Variants in SZRD1 observed in about 807,000 individuals in gnomAD.
SZRD1 encodes SUZ RNA-binding domain-containing.
SZRD1 carries 7 observed loss-of-function variants against 17.6 expected under a neutral mutation model. The observed-to-expected ratio is 0.40, with a 90% CI of 0.23 to 0.75. The LOEUF is 0.75. Ranked by LOEUF, SZRD1 falls within the 30% of genes least tolerant of loss-of-function variation. The pLI is 0.38. For missense variants in SZRD1, 178 were observed against 201.8 expected (o/e 0.88, Z 0.71); for synonymous variants, 77 against 77.9 (o/e 0.99, Z 0.06).
rs185111500 is a variant in SZRD1 at position 16,393,001 on chromosome 1, A to G, written c.102-227A>G. On this transcript the variant is annotated intron_variant, in intron 2 of 3. Coordinates refer to ENST00000401088, the MANE Select transcript of SZRD1 (RefSeq NM_001114600.3). This position sits in a 1 kb window ranked among gnomAD's most constrained non-coding sequence, Gnocchi z 5.6. The stretch of plus-strand genomic sequence containing the variant: ...GTTCCAGCCCCTGTGGCCAGGGGTT[A>G]GGGCTGAGGAGCAGTTCCTGTGGCC... 1.2e-3 allele frequency among the ~76,000 whole-genome samples: 190 copies of G among 152,310 alleles called. No homozygotes were observed. Among genetic ancestry groups the G allele is most frequent in the African/African-American group, 4.4e-3 (182 of 41,562 alleles).
Position 16,382,457 on chromosome 1 carries a change from G to A in SZRD1, c.52-8918G>A, listed in dbSNP as rs569207939. Among the ~76,000 whole-genome samples, 12 of 150,258 alleles carry A rather than the reference G, an allele frequency of 8.0e-5. No individual in the cohort carries two copies. In the East Asian group the frequency reaches 2.2e-3, roughly 27 times the overall value. On this transcript the variant is annotated intron_variant, in intron 1 of 3. Coordinates refer to ENST00000401088, the MANE Select transcript of SZRD1 (RefSeq NM_001114600.3). ...CCCACTTCGGCCTCCCAAAATGCTGGGATTACAGGCATGAACCACTGCGCC... is the reference window on the plus strand; with the variant it reads ...CCCACTTCGGCCTCCCAAAATGCTGAGATTACAGGCATGAACCACTGCGCC...
intron 1 of SZRD1, among the ~76,000 whole-genome samples, chr1:16,386,704 A>G (rs2085129714): frequency 6.6e-6 from 1 of 152,078 alleles, no homozygotes; most frequent in Non-Finnish European, 1.5e-5. Context: ...ACCAGGATCC[A>G]CTTTCCACCA....
chr1:16,381,706 C>A (rs571438766), intron 1 of SZRD1, among the ~76,000 whole-genome samples: 7 of 151,958 alleles, frequency 4.6e-5, no homozygotes, highest in Non-Finnish European at 7.4e-5. Context: ...CTGAAGCAGG[C>A]GGATCACCTA....
intron 1 of SZRD1, among the ~76,000 whole-genome samples, chr1:16,379,211 T>G (rs1303983094): frequency 1.3e-5 from 2 of 151,306 alleles, no homozygotes; most frequent in African/African-American, 4.9e-5. Context: ...GCTCCGCCTC[T>G]GGGATTCACG....
intron 3 of SZRD1, among the ~76,000 whole-genome samples, chr1:16,394,492 A>G (rs1316739602): frequency 1.3e-5 from 2 of 152,184 alleles, no homozygotes; most frequent in Non-Finnish European, 2.9e-5. Flanking sequence ...CTACAAGTGC[A>G]TGATGGCAGC....
intron 1 of SZRD1, among the ~76,000 whole-genome samples, chr1:16,383,008 G>A (rs1186567062): frequency 6.6e-6 from 1 of 151,922 alleles, no homozygotes; most frequent in African/African-American, 2.4e-5. Flanking sequence ...TGGAATTACA[G>A]GTGCCCGCCA....
rs1268806975 is a variant in SZRD1, at chr1:16,397,265, G to C, written c.*2125G>C. 1 of 152,248 alleles carries C rather than the reference G, an allele frequency of 6.6e-6. No individual in the cohort carries two copies. The highest frequency in any genetic ancestry group is 2.4e-5 in the African/African-American group (1 of 41,470). 9.4% of individuals were successfully genotyped at this position (152,248 alleles called of 1,614,324 possible). The stretch of plus-strand genomic sequence containing the variant: ...CTCTGGCCAAAGATGGGCTTTGCCC[G>C]CTGTGTGCCTGTCACCACCCACCAG... On this transcript the variant is annotated 3_prime_UTR_variant, in exon 4 of 4. Transcript: ENST00000401088. The surrounding 1 kb of genome is among the most constrained non-coding windows in gnomAD (Gnocchi z 5.4).
chr1:16,384,113 G>T (rs1166835814), intron 1 of SZRD1, among the ~76,000 whole-genome samples: 1 of 152,132 alleles, frequency 6.6e-6, no homozygotes, highest in African/African-American at 2.4e-5. Context: ...AGCATTGGAG[G>T]TGGCCAGTCC....
intron 1 of SZRD1, among the ~76,000 whole-genome samples, chr1:16,376,269 G>A (rs1422935505): frequency 6.6e-6 from 1 of 152,160 alleles, no homozygotes; most frequent in East Asian, 1.9e-4. Context: ...AGGATGCTTA[G>A]TTACTAGCTC....
chr1:16,384,555 G>A (rs2083156672), intron 1 of SZRD1, among the ~76,000 whole-genome samples: 1 of 152,090 alleles, frequency 6.6e-6, no homozygotes, highest in Non-Finnish European at 1.5e-5. Context: ...CCATATTTGT[G>A]GTATGGGAAA....
rs1486319674 is a variant in SZRD1 at position 16,395,175 on chromosome 1, T to G, written c.*35T>G. ...AGAAAAGATGCCGCCGTTGCTGCCG[T>G]CACCGCCTCCTGGGTCGTCCGCCAC... is the stretch of plus-strand genomic sequence containing the variant. On this transcript the variant is annotated 3_prime_UTR_variant, in exon 4 of 4. Coordinates refer to ENST00000401088, the MANE Select transcript of SZRD1 (RefSeq NM_001114600.3). The G allele has an allele frequency of 6.7e-7, 1 of 1,496,484 alleles. No homozygotes were observed. Among genetic ancestry groups the G allele is most frequent in the Non-Finnish European group, 9.3e-7 (1 of 1,073,216 alleles). 92.7% of individuals were successfully genotyped at this position (1,496,484 alleles called of 1,614,324 possible). A position where few individuals can be genotyped will look rare whatever the true frequency, so the allele number is the denominator to read the frequency against.
At chr1:16,394,008 TGTGAATTTTC>T in intron 3 of SZRD1, among the ~76,000 whole-genome samples, 1 of 152,340 alleles carries the variant, frequency 6.6e-6, no homozygotes, top group Non-Finnish European at 1.5e-5. Flanking sequence ...GTGATGTTTT[TGTGAATTTTC>T]TAAATTCCTT....
chr1:16,387,601 G>C (rs757619850), intron 1 of SZRD1: 1 of 456,698 alleles, frequency 2.2e-6, no homozygotes, highest in South Asian at 1.5e-5. Flanking sequence ...TGCTCCGTGC[G>C]AGTGGAGTTT....
chr1:16,375,365 G>T (rs2082983902), intron 1 of SZRD1, among the ~76,000 whole-genome samples: 1 of 151,644 alleles, frequency 6.6e-6, no homozygotes, highest in East Asian at 1.9e-4. Context: ...ACCCAGGCTA[G>T]AGTGCAGTGG....
intron 1 of SZRD1, among the ~76,000 whole-genome samples, chr1:16,373,228 G>C (rs1242965095): frequency 1.0e-5 from 1 of 97,086 alleles, no homozygotes; most frequent in East Asian, 4.4e-4. Context: ...AAGGAGCTTT[G>C]AAGTTTTTTT....
At chr1:16,380,910 CA>C (rs962475948) in intron 1 of SZRD1, among the ~76,000 whole-genome samples, 1 of 148,752 alleles carries the variant, frequency 6.7e-6, no homozygotes, top group Non-Finnish European at 1.5e-5. Flanking sequence ...CCCAGCCCCT[CA>C]TCTTTTTTTT....
chr1:16,389,115 G>A (rs185478509), intron 1 of SZRD1, among the ~76,000 whole-genome samples: 2,604 of 129,572 alleles, frequency 0.02, 86 homozygotes, highest in African/African-American at 0.072. Flanking sequence ...ACAGAGTCTC[G>A]CTCTGTCGCC....
intron 1 of SZRD1, among the ~76,000 whole-genome samples, chr1:16,375,257 A>G (rs2082980749): frequency 6.6e-6 from 1 of 152,168 alleles, no homozygotes. Flanking sequence ...ATATTAAGGT[A>G]AAACCATGCC....
At chr1:16,386,414 C>T (rs536636936) in intron 1 of SZRD1, among the ~76,000 whole-genome samples, 1 of 152,328 alleles carries the variant, frequency 6.6e-6, no homozygotes, top group South Asian at 2.1e-4. Context: ...AGTTCTGAGG[C>T]CTGTTTAATT....
Sources: allele counts gnomAD v4.1 joint callset (sites outside exome capture counted in the v4.1 genomes callset), GRCh38; gene constraint gnomAD v4.1.1; non-coding constraint Gnocchi (gnomAD v3.1); transcripts MANE v1.5; gene names NCBI Gene and HGNC (gene_info 2026-07-23, HGNC 2026-07-21).